Variants in SCAPER observed in about 807,000 individuals in gnomAD.
SCAPER encodes S phase cyclin A-associated protein in the endoplasmic reticulum.
SCAPER carries 98 observed loss-of-function variants against 182.2 expected under a neutral mutation model. That is an observed-to-expected ratio of 0.54 (90% CI 0.46 to 0.64). The LOEUF is 0.64. SCAPER is among the 30% of genes least tolerant of loss of function. SCAPER has a pLI of 0.00. For missense variants in SCAPER, 1,432 were observed against 1,690.0 expected, an observed-to-expected ratio of 0.85 and a Z score of 2.68; for synonymous variants, 605 against 564.6, an observed-to-expected ratio of 1.07 and a Z score of -1.01.
intron 29 of SCAPER, among the ~76,000 whole-genome samples, chr15:76,357,603 TA>T (rs1483461982): frequency 6.6e-6 from 1 of 151,954 alleles, no homozygotes; most frequent in Non-Finnish European, 1.5e-5. Context: ...CAAAGGAAAA[TA>T]AATCACCATA....
intron 3 of SCAPER, among the ~76,000 whole-genome samples, chr15:76,859,697 A>G (rs1294086209): frequency 1.3e-5 from 2 of 152,146 alleles, no homozygotes; most frequent in Non-Finnish European, 2.9e-5. Context: ...GAAAGTTCTA[A>G]TTATCTGTGC....
chr15:76,719,057 C>T (rs886670719), intron 17 of SCAPER, among the ~76,000 whole-genome samples: 2 of 151,932 alleles, frequency 1.3e-5, no homozygotes, highest in African/African-American at 4.8e-5. Flanking sequence ...GGCAATATAC[C>T]CAAAGGAAAT....
intron 4 of SCAPER, among the ~76,000 whole-genome samples, chr15:76,846,404 G>T (rs1305056617): frequency 6.6e-6 from 1 of 151,798 alleles, no homozygotes; most frequent in East Asian, 1.9e-4. Flanking sequence ...TCAACAAAGT[G>T]AAGAGACAAA....
chr15:76,410,970 TC>T (rs2045248361), intron 26 of SCAPER, among the ~76,000 whole-genome samples: 9 of 152,134 alleles, frequency 5.9e-5, no homozygotes, highest in Admixed American at 5.9e-4. Flanking sequence ...TGAGATATAT[TC>T]CAAATAATAA....
intron 22 of SCAPER, among the ~76,000 whole-genome samples, chr15:76,613,812 A>T (rs561270314): frequency 6.6e-6 from 1 of 152,322 alleles, no homozygotes; most frequent in South Asian, 2.1e-4. Flanking sequence ...TGTTGGTGGG[A>T]GTGTAAATTA....
chr15:76,513,745 T>A (rs2144100968), intron 23 of SCAPER, among the ~76,000 whole-genome samples: 1 of 152,294 alleles, frequency 6.6e-6, no homozygotes, highest in South Asian at 2.1e-4. Flanking sequence ...TCCCTATCCC[T>A]CTTAGCATCC....
intron 4 of SCAPER, among the ~76,000 whole-genome samples, chr15:76,843,606 A>C (rs1404522595): frequency 6.6e-6 from 1 of 152,228 alleles, no homozygotes; most frequent in Non-Finnish European, 1.5e-5. Flanking sequence ...AAAAATGTGC[A>C]TAAACTAATG....
chr15:76,429,868 C>T (rs1376766501), intron 26 of SCAPER, among the ~76,000 whole-genome samples: 6 of 152,168 alleles, frequency 3.9e-5, no homozygotes, highest in South Asian at 4.1e-4. Context: ...AGGAAAATGT[C>T]GCCAGGGCAT....
Position 76,477,326 on chromosome 15 carries a change from A to G in SCAPER, c.2955-5991T>C, listed in dbSNP as rs184233568. On this transcript the variant is annotated intron_variant, in intron 24 of 31. Coordinates refer to ENST00000563290, the MANE Select transcript of SCAPER (RefSeq NM_020843.4). ...GTATCTTAGACACTAAAGACTGGGA[A>G]GCAAATACTTGGCACTCTCAGGTTC... is the stretch of plus-strand genomic sequence containing the variant. Among the ~76,000 whole-genome samples, 7 of 152,300 alleles carry G rather than the reference A, an allele frequency of 4.6e-5. No individual in the cohort carries two copies. The East Asian group carries it at 1.3e-3, about 29-fold the overall frequency.
chr15:76,790,163 G>A (rs1315864085), intron 8 of SCAPER, among the ~76,000 whole-genome samples: 1 of 151,642 alleles, frequency 6.6e-6, no homozygotes, highest in Non-Finnish European at 1.5e-5. Context: ...CCCAGGAGGC[G>A]GAGCTTGCAG....
intron 23 of SCAPER, among the ~76,000 whole-genome samples, chr15:76,543,841 T>C (rs1465751107): frequency 2.0e-5 from 3 of 152,138 alleles, no homozygotes; most frequent in Admixed American, 6.5e-5. Context: ...ACAGATAAAC[T>C]GACCTTTATC....
rs1376109053 is a variant in SCAPER, at chr15:76,814,846, AT to A, written c.394-10214del. 1.2e-4 allele frequency among the ~76,000 whole-genome samples: 19 copies of A among 152,212 alleles called. 1 individual carries two copies. The highest frequency in any genetic ancestry group is 1.2e-3 in the Admixed American group (19 of 15,290). On this transcript the variant is annotated intron_variant, in intron 5 of 31. Transcript: ENST00000563290. ...AAAAGCAGGCTACAGACTGAGAAAAATATTTGGAAACTCTGTATATGATAAG... is the reference window on the plus strand; with the variant it reads ...AAAAGCAGGCTACAGACTGAGAAAAAATTTGGAAACTCTGTATATGATAAG...
intron 16 of SCAPER, among the ~76,000 whole-genome samples, 187 bp downstream of exon 16, chr15:76,733,042 C>T (rs763139358): frequency 9.9e-5 from 15 of 152,140 alleles, no homozygotes; most frequent in East Asian, 3.9e-4. Flanking sequence ...GGGCCACTAC[C>T]GGTCTCCACG....
At chr15:76,527,005 C>T (rs751867389) in intron 23 of SCAPER, among the ~76,000 whole-genome samples, 6 of 151,764 alleles carry the variant, frequency 4.0e-5, no homozygotes, top group Non-Finnish European at 5.9e-5. Flanking sequence ...CCAAGTAGCT[C>T]GGATTACAGA....
chr15:76,474,969 A>C (rs2050504377), intron 24 of SCAPER, among the ~76,000 whole-genome samples: 1 of 152,204 alleles, frequency 6.6e-6, no homozygotes, highest in Non-Finnish European at 1.5e-5. Flanking sequence ...TAACACATTT[A>C]TGACATATCA....
intron 23 of SCAPER, among the ~76,000 whole-genome samples, chr15:76,550,082 A>G (rs1002271382): frequency 3.9e-5 from 6 of 152,234 alleles, no homozygotes; most frequent in Non-Finnish European, 5.9e-5. Flanking sequence ...ACCAGAATGT[A>G]TAAGGAACTC....
At chr15:76,629,968 C>T (rs2052947093) in intron 21 of SCAPER, among the ~76,000 whole-genome samples, 1 of 152,154 alleles carries the variant, frequency 6.6e-6, no homozygotes, top group African/African-American at 2.4e-5. Context: ...AGGGATTCAA[C>T]TTCTTCCTAG....
At chr15:76,360,735 T>A (rs2041348122) in intron 29 of SCAPER, among the ~76,000 whole-genome samples, 1 of 152,202 alleles carries the variant, frequency 6.6e-6, no homozygotes, top group Non-Finnish European at 1.5e-5. Context: ...AATAACCAGT[T>A]CTTGGTTATG....
intron 20 of SCAPER, among the ~76,000 whole-genome samples, chr15:76,671,653 C>T (rs1294592317): frequency 6.6e-6 from 1 of 151,864 alleles, no homozygotes; most frequent in Non-Finnish European, 1.5e-5. Context: ...GCCTGTAGTC[C>T]CAGCTACTCT....
Sources: gnomAD v4.1 joint callset for allele counts (sites outside exome capture counted in the v4.1 genomes callset) on GRCh38, gnomAD v4.1.1 for gene constraint, MANE v1.5 for transcripts, NCBI Gene and HGNC (gene_info 2026-07-23, HGNC 2026-07-21) for gene names.